The following NTN1 variants were observed in gnomAD, a reference collection of about 807,000 sequenced individuals.
NTN1 encodes netrin-1.
Under a neutral mutation model 54.2 loss-of-function variants are expected in NTN1, and 11 were observed. That is an observed-to-expected ratio of 0.20 (90% confidence interval 0.13 to 0.34). NTN1 has a LOEUF of 0.34. NTN1 is among the 10% of genes least tolerant of loss of function. NTN1 has a pLI of 1.00. For synonymous variants in NTN1, 371 were observed against 382.0 expected, an observed-to-expected ratio of 0.97 and a Z score of 0.33; for missense variants, 740 against 893.1, an observed-to-expected ratio of 0.83 and a Z score of 2.18.
chr17:9,096,046 C>T (rs1313787648), intron 2 of NTN1, among the ~76,000 whole-genome samples: 1 of 152,146 alleles, frequency 6.6e-6, no homozygotes, highest in Non-Finnish European at 1.5e-5. Context: ...ATCTGCCCAC[C>T]TCGGCCTCCC....
In NTN1 at chr17:9,242,212, A is replaced by G. The variant is rs757039751; in HGVS notation, c.*2244A>G. 3.9e-5 allele frequency: 6 copies of G among 152,460 alleles called. No homozygotes were observed. The highest frequency in any genetic ancestry group is 1.3e-4 in the Admixed American group (2 of 15,292). 9.4% of individuals were successfully genotyped at this position (152,460 alleles called of 1,614,324 possible). On this transcript the variant is annotated 3_prime_UTR_variant, in exon 7 of 7. Transcript: ENST00000173229. ...TCAGGGTGGTTGGAGAGACTCCAGG[A>G]GAGACTGGCAGAGGTGCCTCAGGGG...
intron 2 of NTN1, among the ~76,000 whole-genome samples, chr17:9,151,838 T>G (rs1201468787): frequency 6.6e-6 from 1 of 152,208 alleles, no homozygotes; most frequent in Non-Finnish European, 1.5e-5. Context: ...ATCAGCACTC[T>G]GTAGCTAGCA....
chr17:9,235,120 G>T (rs1905942001), intron 6 of NTN1, among the ~76,000 whole-genome samples: 1 of 152,028 alleles, frequency 6.6e-6, no homozygotes, highest in South Asian at 2.1e-4. Context: ...CCACCACCAT[G>T]CCTGGCTAAT....
chr17:9,203,012 T>C (rs903126055), intron 5 of NTN1, among the ~76,000 whole-genome samples: 24 of 152,254 alleles, frequency 1.6e-4, no homozygotes, highest in African/African-American at 4.8e-4. Context: ...AGCTCCGCCT[T>C]CCGGGTTCAC....
rs201481526 is a variant in NTN1 at position 9,221,292 on chromosome 17, C to T, written c.1486+50C>T. 7 of 1,456,164 alleles carry T rather than the reference C, an allele frequency of 4.8e-6. No homozygotes were observed. In the Admixed American group the frequency reaches 6.7e-5, roughly 14 times the overall value. The allele number at this position is 1,456,164 out of a possible 1,614,324, so 90.2% of individuals were successfully genotyped here. On this transcript the variant is annotated intron_variant, in intron 6 of 6. Coordinates refer to ENST00000173229, the MANE Select transcript of NTN1 (RefSeq NM_004822.3). This position sits in a 1 kb window ranked among gnomAD's most constrained non-coding sequence, Gnocchi z 4.5. ...GGAGGATGGGAGGGGGCCACGTGAC[C>T]AGCGAGGTGCTGGGGCTGGGGTGCA... is the stretch of plus-strand genomic sequence containing the variant.
the NTN1 span, among the ~76,000 whole-genome samples, chr17:9,008,228 T>A: frequency 6.6e-6 from 1 of 152,176 alleles, no homozygotes; most frequent in East Asian, 1.9e-4. Flanking sequence ...ATGATCTCTG[T>A]TTGCCCTGTA....
intron 3 of NTN1, 52 bp from the exon 4 acceptor site, chr17:9,179,755 T>C: frequency 6.3e-7 from 1 of 1,581,202 alleles, no homozygotes; most frequent in Non-Finnish European, 8.6e-7. Context: ...TCTGCGGGGA[T>C]GCACTGGCCG....
At chr17:9,115,584 T>G (rs1020256801) in intron 2 of NTN1, among the ~76,000 whole-genome samples, 2 of 152,216 alleles carry the variant, frequency 1.3e-5, no homozygotes, top group African/African-American at 4.8e-5. Flanking sequence ...TGGAGTTAAT[T>G]TAAAAACCAG....
intron 2 of NTN1, among the ~76,000 whole-genome samples, chr17:9,139,331 C>G (rs1216805205): frequency 6.6e-6 from 1 of 152,148 alleles, no homozygotes; most frequent in East Asian, 1.9e-4. Flanking sequence ...GTAAAGTGGG[C>G]AGAATGAGGG....
chr17:9,209,424 C>A (rs1186967516), intron 5 of NTN1, among the ~76,000 whole-genome samples: 2 of 152,220 alleles, frequency 1.3e-5, no homozygotes. Context: ...CCAGAGCGGA[C>A]CTGTCAGACT....
intron 5 of NTN1, among the ~76,000 whole-genome samples, chr17:9,205,652 C>T (rs1333129681): frequency 6.6e-6 from 1 of 152,148 alleles, no homozygotes; most frequent in East Asian, 1.9e-4. Flanking sequence ...GCAGCTCCTG[C>T]ATTGCGATGG....
At chr17:9,137,831 G>C (rs1438701722) in intron 2 of NTN1, among the ~76,000 whole-genome samples, 1 of 152,186 alleles carries the variant, frequency 6.6e-6, no homozygotes, top group African/African-American at 2.4e-5. Flanking sequence ...GGCATCTTGG[G>C]TACTTCCGGC....
In NTN1 at chr17:9,242,839, C is replaced by T. The variant is rs1002969952; in HGVS notation, c.*2871C>T. 1 of 152,404 alleles carries T rather than the reference C, an allele frequency of 6.6e-6. No individual in the cohort carries two copies. The highest frequency in any genetic ancestry group is 1.9e-4 in the East Asian group (1 of 5,204). The allele number at this position is 152,404 out of a possible 1,614,324, so 9.4% of individuals were successfully genotyped here. A position where few individuals can be genotyped will look rare whatever the true frequency, so the allele number is the denominator to read the frequency against. ...GGTGAGCACCATCCTTGGGAAAGCACCCCTCCTCCACTCCGGTGCCCCACT... is the reference window on the plus strand; with the variant it reads ...GGTGAGCACCATCCTTGGGAAAGCATCCCTCCTCCACTCCGGTGCCCCACT... On this transcript the variant is annotated 3_prime_UTR_variant, in exon 7 of 7. Coordinates refer to ENST00000173229, the MANE Select transcript of NTN1 (RefSeq NM_004822.3).
intron 2 of NTN1, among the ~76,000 whole-genome samples, chr17:9,109,286 C>G (rs2092181135): frequency 6.6e-6 from 1 of 152,152 alleles, no homozygotes; most frequent in Admixed American, 6.6e-5. Flanking sequence ...TTCCCAGAAA[C>G]AAATAGTATA....
At chr17:9,089,246 C>T (rs571500470) in intron 2 of NTN1, among the ~76,000 whole-genome samples, 1 of 152,216 alleles carries the variant, frequency 6.6e-6, no homozygotes, top group South Asian at 2.1e-4. Context: ...AACCCCGTCT[C>T]TACTAAAAAT....
intron 2 of NTN1, among the ~76,000 whole-genome samples, chr17:9,120,540 C>T (rs538282059): frequency 1.5e-4 from 23 of 152,240 alleles, no homozygotes; most frequent in Non-Finnish European, 2.6e-4. Flanking sequence ...CATATTCCCA[C>T]CTGACCCCTT....
chr17:9,011,516 C>T, the NTN1 span, among the ~76,000 whole-genome samples: 1 of 152,210 alleles, frequency 6.6e-6, no homozygotes, highest in Non-Finnish European at 1.5e-5. Flanking sequence ...CCCTTAATCA[C>T]GTCAGCAAAG....
intron 2 of NTN1, among the ~76,000 whole-genome samples, chr17:9,046,354 A>G (rs1371018070): frequency 1.3e-5 from 2 of 152,222 alleles, no homozygotes; most frequent in Non-Finnish European, 2.9e-5. Flanking sequence ...ACCACTTTAC[A>G]TTCACTAGGA....
intron 2 of NTN1, among the ~76,000 whole-genome samples, chr17:9,047,948 G>A (rs1182351173): frequency 3.3e-5 from 5 of 151,958 alleles, no homozygotes; most frequent in Non-Finnish European, 4.4e-5. Context: ...CACCCGCCTC[G>A]GCCTCCCAAA....
Sources: allele counts gnomAD v4.1 joint callset (sites outside exome capture counted in the v4.1 genomes callset), GRCh38; gene constraint gnomAD v4.1.1; non-coding constraint Gnocchi (gnomAD v3.1); transcripts MANE v1.5; gene names NCBI Gene and HGNC (gene_info 2026-07-23, HGNC 2026-07-21).